The following PPP2R2B variants were observed in gnomAD, a reference collection of about 807,000 sequenced individuals.
PPP2R2B encodes protein phosphatase 2 regulatory subunit Bbeta, also known as serine/threonine-protein phosphatase 2A 55 kDa regulatory subunit B beta isoform.
Under a neutral mutation model 46.0 loss-of-function variants are expected in PPP2R2B, and 5 were observed. The ratio of observed to expected loss-of-function variants is 0.11; its 90% CI spans 0.06 to 0.23. The LOEUF (loss-of-function observed/expected upper bound fraction) is 0.23. Among genes scored for constraint, PPP2R2B ranks in the 10% least tolerant of loss-of-function variants. The probability of loss-of-function intolerance (pLI) is 1.00; values close to 1 mark genes in which losing one functional copy is unlikely to be tolerated. For missense variants in PPP2R2B, 367 were observed against 575.0 expected, an observed-to-expected ratio of 0.64 and a Z score of 3.70; for synonymous variants, 215 against 206.7, an observed-to-expected ratio of 1.04 and a Z score of -0.34.
chr5:146,983,633 C>T (rs1275460985), intron 1 of PPP2R2B, among the ~76,000 whole-genome samples: 2 of 152,156 alleles, frequency 1.3e-5, no homozygotes, highest in Non-Finnish European at 2.9e-5. Flanking sequence ...TATTGTCCCC[C>T]ATTTATAACT....
At chr5:146,817,648 A>G (rs1003471160) in intron 2 of PPP2R2B, among the ~76,000 whole-genome samples, 1 of 152,228 alleles carries the variant, frequency 6.6e-6, no homozygotes, top group African/African-American at 2.4e-5. Context: ...AAAGTAACAT[A>G]GGCTTGTTGT....
chr5:146,636,767 C>A (rs868646866), intron 7 of PPP2R2B, among the ~76,000 whole-genome samples: 1 of 152,228 alleles, frequency 6.6e-6, no homozygotes. Context: ...CTGATATGAA[C>A]CATCATTGCT....
rs965122040 is a variant in PPP2R2B, at chr5:146,790,781, A to G, written c.70+87221T>C. On this transcript the variant is annotated intron_variant, in intron 2 of 9. Transcript: ENST00000394411. ...AATCCTACAATGGCAGGAAGAGTGA[A>G]GCATTATATTATGATTGTCCACATT... Among the ~76,000 whole-genome samples, 4 of 152,236 alleles carry G rather than the reference A, an allele frequency of 2.6e-5. No homozygotes were observed. The East Asian group carries it at 7.7e-4, about 29-fold the overall frequency.
intron 1 of PPP2R2B, among the ~76,000 whole-genome samples, chr5:146,888,511 C>T (rs776303146): frequency 1.1e-4 from 17 of 152,198 alleles, no homozygotes; most frequent in Non-Finnish European, 2.4e-4. Context: ...TCCTTCACCC[C>T]CAACCCCTAC....
chr5:146,703,916 C>T (rs1372285360), intron 2 of PPP2R2B, among the ~76,000 whole-genome samples: 1 of 152,182 alleles, frequency 6.6e-6, no homozygotes, highest in Non-Finnish European at 1.5e-5. Context: ...TCTGAAATTC[C>T]TTAGCCCTCT....
At chr5:146,836,425 G>A (rs894484020) in intron 2 of PPP2R2B, among the ~76,000 whole-genome samples, 2 of 152,188 alleles carry the variant, frequency 1.3e-5, no homozygotes, top group African/African-American at 4.8e-5. Context: ...AAGGTGCTGA[G>A]TCAGATTAAG....
At chr5:146,959,485 G>C (rs896106020) in intron 1 of PPP2R2B, among the ~76,000 whole-genome samples, 1 of 152,152 alleles carries the variant, frequency 6.6e-6, no homozygotes, top group Admixed American at 6.5e-5. Flanking sequence ...TCTCCACCCA[G>C]TACCTCACCT....
chr5:146,746,193 A>G (rs1208999748), intron 2 of PPP2R2B, among the ~76,000 whole-genome samples: 1 of 152,098 alleles, frequency 6.6e-6, no homozygotes, highest in Non-Finnish European at 1.5e-5. Flanking sequence ...GCTTTCCACC[A>G]CTGTGCATAA....
chr5:146,641,083 C>T (rs1009895971), intron 6 of PPP2R2B, among the ~76,000 whole-genome samples: 1 of 152,146 alleles, frequency 6.6e-6, no homozygotes, highest in African/African-American at 2.4e-5. Flanking sequence ...GAAGATATGG[C>T]CAGTTGCTAA....
intron 2 of PPP2R2B, among the ~76,000 whole-genome samples, chr5:146,848,397 T>C (rs1251117161): frequency 6.6e-6 from 1 of 152,164 alleles, no homozygotes; most frequent in Non-Finnish European, 1.5e-5. Context: ...CCCAGGATAG[T>C]ACATTACAGT....
intron 1 of PPP2R2B, among the ~76,000 whole-genome samples, chr5:146,964,124 G>A (rs547357743): frequency 1.3e-5 from 2 of 152,266 alleles, no homozygotes; most frequent in South Asian, 4.1e-4. Context: ...TCCTAAGTAT[G>A]CTCCCCAAAA....
At chr5:146,606,597 C>T (rs1772296702) in intron 7 of PPP2R2B, among the ~76,000 whole-genome samples, 1 of 152,192 alleles carries the variant, frequency 6.6e-6, no homozygotes, top group Non-Finnish European at 1.5e-5. Context: ...GGGAAGGCAG[C>T]AGTAATGCAG....
upstream of PPP2R2B, among the ~76,000 whole-genome samples, chr5:146,881,198 C>A (rs983958677): frequency 7.2e-5 from 11 of 152,140 alleles, no homozygotes; most frequent in African/African-American, 2.7e-4. Context: ...ATGCTATGTT[C>A]TTTGCCACTT....
At chr5:146,815,897 C>T (rs1243703439) in intron 2 of PPP2R2B, among the ~76,000 whole-genome samples, 1 of 152,296 alleles carries the variant, frequency 6.6e-6, no homozygotes, top group East Asian at 1.9e-4. Context: ...TTCCCAATTG[C>T]TCCTAGTCGT....
rs528792900 is a variant in PPP2R2B, at chr5:146,706,496, C to T, written c.71-5354G>A. 8 of 1,198,244 alleles carry T rather than the reference C, an allele frequency of 6.7e-6. No homozygotes were observed. The Admixed American group carries it at 1.1e-4, about 16-fold the overall frequency. 74.2% of individuals were successfully genotyped at this position (1,198,244 alleles called of 1,614,324 possible). On this transcript the variant is annotated intron_variant, in intron 2 of 9. Transcript: ENST00000394411. ...TGTCCAGGGTCAGCTTGATGTTCAT[C>T]AGCTTCTGGTAGGCACGCAGCTGCC...
chr5:146,592,868 C>A (rs1449597169), intron 9 of PPP2R2B, 103 bp downstream of exon 9: 26 of 1,127,566 alleles, frequency 2.3e-5, no homozygotes, highest in Non-Finnish European at 3.1e-5. Context: ...GGTTTTGGGG[C>A]CCAATTTTGA....
rs1481002362 is a variant in PPP2R2B, at chr5:146,738,961, A to T, written c.71-37819T>A. Among the ~76,000 whole-genome samples, 3 of 152,170 alleles carry T rather than the reference A, an allele frequency of 2.0e-5. No individual in the cohort carries two copies. The East Asian group carries it at 5.8e-4, about 29-fold the overall frequency. ...TGGTGAGGGACACAGACTAATGAAG[A>T]CACATACATTGTAATATAATGCAAT... On this transcript the variant is annotated intron_variant, in intron 2 of 9. Coordinates refer to ENST00000394411, the MANE Select transcript of PPP2R2B (RefSeq NM_181675.4).
intron 1 of PPP2R2B, among the ~76,000 whole-genome samples, chr5:146,925,067 C>T (rs191349100): frequency 3.3e-4 from 50 of 152,302 alleles, no homozygotes; most frequent in Admixed American, 5.9e-4. Flanking sequence ...CTCTTCCCTC[C>T]TTTGTGCTAT....
At chr5:146,665,499 G>A (rs971059357) in intron 5 of PPP2R2B, among the ~76,000 whole-genome samples, 4 of 152,128 alleles carry the variant, frequency 2.6e-5, no homozygotes, top group East Asian at 1.9e-4. Flanking sequence ...GTTAGACTTC[G>A]GCTTAAGGAA....
Sources: gnomAD v4.1 joint callset for allele counts (sites outside exome capture counted in the v4.1 genomes callset) on GRCh38, gnomAD v4.1.1 for gene constraint, MANE v1.5 for transcripts, NCBI Gene and HGNC (gene_info 2026-07-23, HGNC 2026-07-21) for gene names.